HPSE2: variants seen among roughly 807,000 people sequenced by gnomAD.
HPSE2 encodes the protein heparanase 2 (inactive).
In HPSE2, 38 loss-of-function variants were observed where a neutral mutation model predicts 60.5. That is an observed-to-expected ratio of 0.63 (90% confidence interval 0.48 to 0.82). The LOEUF is 0.82. Ranked by LOEUF, HPSE2 falls within the 40% of genes least tolerant of loss-of-function variation. HPSE2 has a pLI of 0.00. For synonymous variants in HPSE2, 295 were observed against 293.2 expected (o/e 1.01, Z -0.06); for missense variants, 713 against 740.4 (o/e 0.96, Z 0.43).
intron 3 of HPSE2, among the ~76,000 whole-genome samples, chr10:98,747,593 G>A (rs1949659494): frequency 6.6e-6 from 1 of 152,184 alleles, no homozygotes; most frequent in Admixed American, 6.5e-5. Context: ...GAACTAGAAT[G>A]CTAAAAGTTT....
chr10:98,600,882 TACA>T (rs1945388589), intron 9 of HPSE2, among the ~76,000 whole-genome samples: 5 of 139,060 alleles, frequency 3.6e-5, no homozygotes, highest in African/African-American at 1.1e-4. Flanking sequence ...TATGTATATA[TACA>T]TATATACGTA....
intron 7 of HPSE2, among the ~76,000 whole-genome samples, chr10:98,626,126 A>AC: frequency 6.6e-6 from 1 of 151,656 alleles, no homozygotes; most frequent in South Asian, 2.1e-4. Context: ...AAGAAAAAGA[A>AC]AAAAGAAAAA....
chr10:99,072,855 G>A (rs1459623921), intron 3 of HPSE2, among the ~76,000 whole-genome samples: 1 of 147,826 alleles, frequency 6.8e-6, no homozygotes, highest in Non-Finnish European at 1.5e-5. Context: ...CTTGAACCTG[G>A]GAGGTGGAGG....
chr10:98,706,768 A>C (rs76617366), intron 5 of HPSE2, among the ~76,000 whole-genome samples: 3,225 of 152,260 alleles, frequency 0.021, 133 homozygotes, highest in African/African-American at 0.074. Context: ...GGGAACAAGT[A>C]AGGGAATGGC....
At chr10:98,468,970 C>CT (rs1245721103) in intron 11 of HPSE2, among the ~76,000 whole-genome samples, 2 of 152,160 alleles carry the variant, frequency 1.3e-5, no homozygotes, top group African/African-American at 4.8e-5. Context: ...GATCTAGCTT[C>CT]TGTATCACTG....
intron 2 of HPSE2, among the ~76,000 whole-genome samples, chr10:99,184,786 TTATATATATATATATATATATA>T (rs1191226144): frequency 4.0e-5 from 1 of 25,284 alleles, no homozygotes; most frequent in Admixed American, 4.9e-4. Flanking sequence ...CTATCCAAAA[TTATATATATATATATATATATA>T]TATATATATA....
chr10:99,169,583 T>C (rs1247667418), intron 2 of HPSE2, among the ~76,000 whole-genome samples: 2 of 138,026 alleles, frequency 1.4e-5, no homozygotes, highest in African/African-American at 5.4e-5. Context: ...AATTGCATAG[T>C]AAATATAGCT....
intron 9 of HPSE2, among the ~76,000 whole-genome samples, chr10:98,554,750 C>G (rs1016206060): frequency 6.6e-6 from 1 of 152,174 alleles, no homozygotes; most frequent in African/African-American, 2.4e-5. Flanking sequence ...AGAAAGCACA[C>G]TAGTCTGGAA....
intron 4 of HPSE2, among the ~76,000 whole-genome samples, chr10:98,734,602 T>A (rs957848917): frequency 6.6e-6 from 1 of 152,156 alleles, no homozygotes; most frequent in Non-Finnish European, 1.5e-5. Flanking sequence ...TTTTCCATGA[T>A]GGCTAATGAT....
At chr10:98,727,123 C>T (rs1577667) in intron 4 of HPSE2, among the ~76,000 whole-genome samples, 149,411 of 152,260 alleles carry the variant, frequency 0.98, 73,366 homozygotes, top group East Asian at 1. Flanking sequence ...AGTAGCTACA[C>T]GACTCAAGGG....
intron 3 of HPSE2, among the ~76,000 whole-genome samples, chr10:99,102,402 G>C (rs1281196762): frequency 1.3e-4 from 20 of 152,070 alleles, no homozygotes; most frequent in Admixed American, 1.2e-3. Flanking sequence ...TAAATTCCTG[G>C]ACACATACAC....
intron 3 of HPSE2, among the ~76,000 whole-genome samples, chr10:98,945,655 C>T (rs547896479): frequency 3.3e-5 from 5 of 151,964 alleles, no homozygotes; most frequent in East Asian, 3.8e-4. Flanking sequence ...TTTTGGGATG[C>T]GAAGAGGCTT....
chr10:98,763,120 TTAAAGA>T (rs771518083), intron 3 of HPSE2, among the ~76,000 whole-genome samples: 37 of 150,634 alleles, frequency 2.5e-4, no homozygotes, highest in Non-Finnish European at 4.9e-4. Context: ...ATCAATAAAC[TTAAAGA>T]TAAAACAGGA....
chr10:99,290,879 G>GC, the HPSE2 span, among the ~76,000 whole-genome samples: 1 of 152,104 alleles, frequency 6.6e-6, no homozygotes, highest in Admixed American at 6.6e-5. Flanking sequence ...GATCAACAGA[G>GC]CTGAAGATTT....
chr10:98,745,324 T>G (rs1949603519), intron 3 of HPSE2, among the ~76,000 whole-genome samples: 1 of 152,242 alleles, frequency 6.6e-6, no homozygotes, highest in South Asian at 2.1e-4. Context: ...GCCACCATTC[T>G]TTTTCTGGCT....
Position 98,472,183 on chromosome 10 carries a change from T to C in HPSE2, c.1613+10453A>G, listed in dbSNP as rs141125590. On this transcript the variant is annotated intron_variant, in intron 11 of 11. Transcript: ENST00000370552. ...TGCCTCAGAACCTTAAGTATAAGTA[T>C]TTTTATAAATATATATATATACTCT... Among the ~76,000 whole-genome samples, 904 of 151,806 alleles carry C rather than the reference T, an allele frequency of 6.0e-3. 11 individuals are homozygous for C. Among genetic ancestry groups the C allele is most frequent in the Non-Finnish European group, 5.6e-3 (382 of 67,950 alleles).
intron 6 of HPSE2, among the ~76,000 whole-genome samples, chr10:98,675,678 T>C (rs72840547): frequency 6.6e-6 from 1 of 151,866 alleles, no homozygotes; most frequent in South Asian, 2.1e-4. Flanking sequence ...CAGTGAACTA[T>C]GATTATGCTA....
chr10:98,690,149 T>A (rs1190705755), intron 6 of HPSE2, among the ~76,000 whole-genome samples: 2 of 152,248 alleles, frequency 1.3e-5, no homozygotes, highest in Non-Finnish European at 2.9e-5. Flanking sequence ...TACCCTCAAT[T>A]TCCAGCCTTT....
rs144346834 is a variant in HPSE2, at chr10:98,859,389, G to T, written c.611-115333C>A. Among the ~76,000 whole-genome samples the T allele has an allele frequency of 4.7e-4, 72 of 152,254 alleles. No homozygotes were observed. In the East Asian group the frequency reaches 0.011, roughly 24 times the overall value. ...ATAGCTGATAAAACATTATTTCTTG[G>T]TGTATCTGTGAGGGTGTTTCTGGAA... On this transcript the variant is annotated intron_variant, in intron 3 of 11. Transcript: ENST00000370552.
Sources: gnomAD v4.1 joint callset for allele counts (sites outside exome capture counted in the v4.1 genomes callset) on GRCh38, gnomAD v4.1.1 for gene constraint, MANE v1.5 for transcripts, NCBI Gene and HGNC (gene_info 2026-07-23, HGNC 2026-07-21) for gene names.